The following FMNL2 variants were observed in gnomAD, a reference collection of about 807,000 sequenced individuals.
FMNL2 encodes the protein formin like 2.
In FMNL2, 51 loss-of-function variants were observed where a neutral mutation model predicts 130.2. That is an observed-to-expected ratio of 0.39 (90% CI 0.31 to 0.49). The LOEUF (loss-of-function observed/expected upper bound fraction) is 0.49, where lower values mean the gene tolerates loss of function less well. FMNL2 is among the 20% of genes least tolerant of loss of function. FMNL2 has a pLI of 0.85. For synonymous variants in FMNL2, 465 were observed against 467.1 expected, an observed-to-expected ratio of 1.00 and a Z score of 0.06; for missense variants, 977 against 1,316.2, an observed-to-expected ratio of 0.74 and a Z score of 3.99.
At position 152,567,010 on chromosome 2, in the gene FMNL2, A is replaced by G. The variant is rs55727776; in HGVS notation, c.596+5975A>G. Among the ~76,000 whole-genome samples the G allele has an allele frequency of 8.3e-4, 127 of 152,314 alleles. 2 individuals are homozygous for G. Among genetic ancestry groups the G allele is most frequent in the African/African-American group, 2.9e-3 (120 of 41,562 alleles). On this transcript the variant is annotated intron_variant, in intron 6 of 25. Coordinates refer to ENST00000288670, the MANE Select transcript of FMNL2 (RefSeq NM_052905.4). ...GTCGTTTAGAGACAGTTTATGTACT[A>G]TTCTGAAGGTTAGTCTGTGAAATTG...
rs140010183 is a variant in FMNL2, at chr2:152,454,938, C to T, written c.118-67005C>T. 3.4e-3 allele frequency among the ~76,000 whole-genome samples: 511 copies of T among 152,240 alleles called. 8 individuals carry two copies. Among genetic ancestry groups the T allele is most frequent in the African/African-American group, 0.011 (470 of 41,558 alleles). On this transcript the variant is annotated intron_variant, in intron 1 of 25. Coordinates refer to ENST00000288670, the MANE Select transcript of FMNL2 (RefSeq NM_052905.4). ...TGAGGGGAAGCTTGCATCAGTGCTG[C>T]GTCAGGGTGGGAAAAGCCCATCCTG...
intron 1 of FMNL2, among the ~76,000 whole-genome samples, chr2:152,435,272 A>T (rs570752235): frequency 6.6e-6 from 1 of 152,332 alleles, no homozygotes; most frequent in South Asian, 2.1e-4. Context: ...ACTTGAGGCC[A>T]GGAGTTTGAG....
chr2:152,527,142 C>A (rs1459578087), intron 2 of FMNL2, among the ~76,000 whole-genome samples: 1 of 152,096 alleles, frequency 6.6e-6, no homozygotes, highest in Non-Finnish European at 1.5e-5. Flanking sequence ...TACCTGTTTC[C>A]TAGGGGTGCC....
chr2:152,610,953 G>A (rs1698642780), intron 10 of FMNL2, among the ~76,000 whole-genome samples: 2 of 152,186 alleles, frequency 1.3e-5, no homozygotes, highest in African/African-American at 4.8e-5. Context: ...TTTTGTTACT[G>A]TATTTCTTTT....
At position 152,413,666 on chromosome 2, in the gene FMNL2, A is replaced by G. The variant is rs6746284; in HGVS notation, c.117+77946A>G. Reference sequence around the variant, plus strand: ...ATACAATGCAGGGTCTAATGTGCATATGCAAGGATGCACTAAATGAATTAG... The same window carrying G: ...ATACAATGCAGGGTCTAATGTGCATGTGCAAGGATGCACTAAATGAATTAG... On this transcript the variant is annotated intron_variant, in intron 1 of 25. Transcript: ENST00000288670. Among the ~76,000 whole-genome samples, 215 of 152,362 alleles carry G rather than the reference A, an allele frequency of 1.4e-3. 1 individual carries two copies. The highest frequency in any genetic ancestry group is 5.0e-3 in the African/African-American group (206 of 41,590).
chr2:152,509,444 C>G (rs1467332659), intron 1 of FMNL2, among the ~76,000 whole-genome samples: 1 of 150,396 alleles, frequency 6.6e-6, no homozygotes, highest in East Asian at 1.9e-4. Flanking sequence ...TATTGTGTAT[C>G]TGTCCATGTT....
chr2:152,449,789 A>G (rs1465579220), intron 1 of FMNL2, among the ~76,000 whole-genome samples: 1 of 152,244 alleles, frequency 6.6e-6, no homozygotes, highest in Non-Finnish European at 1.5e-5. Context: ...GAAGCTTCTC[A>G]GATACTGGTG....
chr2:152,476,696 A>C (rs1690168749), intron 1 of FMNL2, among the ~76,000 whole-genome samples: 1 of 152,002 alleles, frequency 6.6e-6, no homozygotes, highest in African/African-American at 2.4e-5. Context: ...TGTCTTAAAA[A>C]AAAAAAAGAA....
rs184960867 is a variant in FMNL2 at position 152,470,477 on chromosome 2, G to A, written c.118-51466G>A. ...GACAACTAGGACGTGGGAAAGTAGA[G>A]AAGAAGCTGATAAAGATGAAAAGCT... is the stretch of plus-strand genomic sequence containing the variant. On this transcript the variant is annotated intron_variant, in intron 1 of 25. Coordinates refer to ENST00000288670, the MANE Select transcript of FMNL2 (RefSeq NM_052905.4). Among the ~76,000 whole-genome samples the A allele has an allele frequency of 1.1e-4, 16 of 152,278 alleles. No homozygotes were observed. The East Asian group carries it at 2.3e-3, about 22-fold the overall frequency.
rs145082544 is a variant in FMNL2, at chr2:152,500,777, G to A, written c.118-21166G>A. Among the ~76,000 whole-genome samples the A allele has an allele frequency of 4.1e-4, 62 of 150,302 alleles. 1 individual carries two copies. The East Asian group carries it at 0.011, about 27-fold the overall frequency. On this transcript the variant is annotated intron_variant, in intron 1 of 25. Coordinates refer to ENST00000288670, the MANE Select transcript of FMNL2 (RefSeq NM_052905.4). ...GCAGGGGAATCACTTGAACCCCAGC[G>A]AGGCAGAGGTTGCAGTGAGCCGAGA...
At chr2:152,635,028 T>G (rs1419161174) in intron 21 of FMNL2, among the ~76,000 whole-genome samples, 1 of 152,196 alleles carries the variant, frequency 6.6e-6, no homozygotes, top group Non-Finnish European at 1.5e-5. Flanking sequence ...AAATCCATTT[T>G]TTGTTGCATG....
chr2:152,593,898 TGTGTGAGAGA>T (rs770026285), intron 9 of FMNL2, among the ~76,000 whole-genome samples: 421 of 78,074 alleles, frequency 5.4e-3, no homozygotes, highest in African/African-American at 0.013. Context: ...TGTGTGTGTG[TGTGTGAGAGA>T]GAGAGAGAGA....
Position 152,619,000 on chromosome 2 carries a change from A to T in FMNL2, c.1469A>T (p.Asp490Val). 5 of 1,614,062 alleles carry T rather than the reference A, an allele frequency of 3.1e-6. No homozygotes were observed. Among genetic ancestry groups the T allele is most frequent in the Non-Finnish European group, 4.2e-6 (5 of 1,179,904 alleles). The change falls in exon 14 of 26, where the codon GAT (aspartate) becomes GTT (valine). Residue 490 changes from aspartate (D) to valine (V), a missense_variant. By Grantham distance (152) the Asp-to-Val change is radical. Coordinates refer to ENST00000288670, the MANE Select transcript of FMNL2 (RefSeq NM_052905.4). The part of the protein sequence containing the change: ...TIKIQKKGDG[D>V]IAILPVVASG... ...AAAATTCAGAAGAAAGGGGATGGGG[A>T]TATCGCCATACTGCCAGTTGTGGCT...
intron 4 of FMNL2, among the ~76,000 whole-genome samples, chr2:152,556,523 A>G (rs1695214003): frequency 6.6e-6 from 1 of 152,230 alleles, no homozygotes; most frequent in African/African-American, 2.4e-5. Context: ...AGAGGAGCCA[A>G]TGAGTATTCT....
chr2:152,591,217 G>A (rs1410504778), intron 9 of FMNL2, among the ~76,000 whole-genome samples: 6 of 151,756 alleles, frequency 4.0e-5, no homozygotes, highest in Admixed American at 3.3e-4. Context: ...CACCATATTG[G>A]CCAGACTGGT....
intron 1 of FMNL2, among the ~76,000 whole-genome samples, chr2:152,343,605 C>G (rs1022432182): frequency 6.6e-5 from 10 of 152,076 alleles, no homozygotes; most frequent in African/African-American, 2.4e-4. Context: ...TTAAATAGTT[C>G]ACATTTTTGA....
intron 2 of FMNL2, among the ~76,000 whole-genome samples, chr2:152,531,478 C>CT (rs11462086): frequency 0.77 from 114,418 of 147,958 alleles, 45,538 homozygotes; most frequent in Non-Finnish European, 0.89. Flanking sequence ...GATGTAAGAT[C>CT]TTTTTTTTTT....
intron 1 of FMNL2, among the ~76,000 whole-genome samples, chr2:152,418,460 T>TC (rs1368220078): frequency 6.6e-6 from 1 of 151,956 alleles, no homozygotes; most frequent in African/African-American, 2.4e-5. Context: ...AACTCTTCAT[T>TC]CCCCCCACCC....
intron 9 of FMNL2, among the ~76,000 whole-genome samples, chr2:152,593,838 G>GGAGAGA (rs147035875): frequency 0.14 from 11,570 of 81,882 alleles, 858 homozygotes; most frequent in East Asian, 0.31. Context: ...AGGTGACTAG[G>GGAGAGA]GAGAGAGAGA....
Sources: allele counts gnomAD v4.1 joint callset (sites outside exome capture counted in the v4.1 genomes callset), GRCh38; gene constraint gnomAD v4.1.1; transcripts MANE v1.5; gene names NCBI Gene and HGNC (gene_info 2026-07-23, HGNC 2026-07-21).